The following DDAH1 variants were observed in gnomAD, a reference collection of about 807,000 sequenced individuals.
The protein encoded by DDAH1 is N(G),N(G)-dimethylarginine dimethylaminohydrolase 1.
Under a neutral mutation model 28.8 loss-of-function variants are expected in DDAH1, and 19 were observed. That is an observed-to-expected ratio of 0.66 (90% CI 0.46 to 0.97). The LOEUF (loss-of-function observed/expected upper bound fraction) is 0.97. Ranked by LOEUF, DDAH1 falls within the 50% of genes least tolerant of loss-of-function variation. DDAH1 has a pLI of 0.00. For missense variants in DDAH1, 326 were observed against 375.9 expected (o/e 0.87, Z 1.10); for synonymous variants, 153 against 154.4 (o/e 0.99, Z 0.07).
At chr1:85,396,250 G>A (rs1159697907) in intron 1 of DDAH1, among the ~76,000 whole-genome samples, 2 of 152,108 alleles carry the variant, frequency 1.3e-5, no homozygotes, top group African/African-American at 4.8e-5. Flanking sequence ...ACCTAAGGCT[G>A]GATAATTTAT....
At chr1:85,495,675 G>A (rs888336586) in intron 2 of DDAH1, 1 of 152,202 alleles carries the variant, frequency 6.6e-6, no homozygotes, top group Non-Finnish European at 1.5e-5. Flanking sequence ...ATTAAGGTCT[G>A]TGTGACAATG....
At chr1:85,473,473 GTA>G (rs1655686497) in intron 2 of DDAH1, among the ~76,000 whole-genome samples, 1 of 151,970 alleles carries the variant, frequency 6.6e-6, no homozygotes, top group South Asian at 2.1e-4. Flanking sequence ...TGTTATATAT[GTA>G]TATGTATGTG....
At chr1:85,511,347 A>C (rs1657223457) in intron 1 of DDAH1, among the ~76,000 whole-genome samples, 1 of 152,246 alleles carries the variant, frequency 6.6e-6, no homozygotes, top group African/African-American at 2.4e-5. Context: ...ACACATTTAA[A>C]GCAGTGTGTA....
intron 2 of DDAH1, among the ~76,000 whole-genome samples, chr1:85,353,400 A>C (rs1273208485): frequency 6.6e-6 from 1 of 152,156 alleles, no homozygotes; most frequent in East Asian, 1.9e-4. Context: ...TAAATATTAT[A>C]ACTTTAATCT....
upstream of DDAH1, among the ~76,000 whole-genome samples, chr1:85,466,239 T>A (rs1038237434): frequency 1.3e-5 from 2 of 151,414 alleles, no homozygotes; most frequent in African/African-American, 4.9e-5. Flanking sequence ...ATTTGAGGAG[T>A]TTTTTTTGTT....
At chr1:85,389,068 G>A (rs1332543842) in intron 1 of DDAH1, among the ~76,000 whole-genome samples, 1 of 152,040 alleles carries the variant, frequency 6.6e-6, no homozygotes, top group Non-Finnish European at 1.5e-5. Context: ...TAGGCCAGGT[G>A]TGGTGGCTCA....
At chr1:85,404,622 A>C (rs1652319442) in intron 1 of DDAH1, 4 of 971,178 alleles carry the variant, frequency 4.1e-6, no homozygotes, top group Non-Finnish European at 5.4e-6. Context: ...CGAATCCAAG[A>C]GTTCAATGAT....
chr1:85,467,890 C>A (rs1221945995), upstream of DDAH1, among the ~76,000 whole-genome samples: 3 of 152,116 alleles, frequency 2.0e-5, no homozygotes, highest in Non-Finnish European at 4.4e-5. Context: ...AACAAGACAT[C>A]CAGAATTGGA....
chr1:85,367,338 A>G (rs1040521013), intron 1 of DDAH1, among the ~76,000 whole-genome samples: 8 of 152,220 alleles, frequency 5.3e-5, no homozygotes, highest in Non-Finnish European at 1.2e-4. Context: ...GTCCTGTTCT[A>G]GTTACCTATC....
At chr1:85,344,602 A>G (rs537783731) in intron 4 of DDAH1, among the ~76,000 whole-genome samples, 1 of 133,762 alleles carries the variant, frequency 7.5e-6, no homozygotes, top group African/African-American at 2.9e-5. Flanking sequence ...CCCTCCCTTC[A>G]TCTTTCCTTC....
rs139220741 is a variant in DDAH1 at position 85,376,554 on chromosome 1, G to A, written c.304-17707C>T. Among the ~76,000 whole-genome samples the A allele has an allele frequency of 2.0e-4, 30 of 152,148 alleles. 1 individual carries two copies. The East Asian group carries it at 5.2e-3, about 26-fold the overall frequency. ...CTCCATCCAGGCAGTTTTCCAGTGA[G>A]CAGAGTTGGAGAAGCTTTTCTTTTC... On this transcript the variant is annotated intron_variant, in intron 1 of 5. Transcript: ENST00000284031.
rs201370663 is a variant in DDAH1, at chr1:85,464,756, C to T, written c.290G>A (p.Ser97Asn). Residue 97 changes from serine (S) to asparagine (N), a missense_variant, in exon 1 of 6, where the codon AGC becomes AAC. Transcript: ENST00000284031. This position sits in a 1 kb window ranked among gnomAD's most constrained non-coding sequence, Gnocchi z 4.4. ...TALITRPGAP[S>N]RRKEVDMMKE... is the part of the protein sequence containing the mutation. ...GTCGGCAGTTACCTCCTTCCTCCGG[C>T]TCGGCGCCCCGGGTCGGGTGATGAG... is the stretch of plus-strand genomic sequence containing the variant. The T allele has an allele frequency of 6.5e-7, 1 of 1,550,302 alleles. No homozygotes were observed.
Position 85,546,512 on chromosome 1 carries a change from C to T in DDAH1, c.-123+31472G>A, listed in dbSNP as rs546795667. On this transcript the variant is annotated intron_variant, in intron 1 of 6. Transcript: ENST00000426972. ...GACATTATTGTTGGCTCCTCCATCT[C>T]TAAACTGTCAGATTCAAGGCAGATC... Among the ~76,000 whole-genome samples the T allele has an allele frequency of 7.2e-5, 11 of 152,258 alleles. No homozygotes were observed. In the East Asian group the frequency reaches 1.9e-3, roughly 27 times the overall value.
intron 1 of DDAH1, among the ~76,000 whole-genome samples, chr1:85,392,016 G>T (rs1012665121): frequency 6.6e-6 from 1 of 151,942 alleles, no homozygotes; most frequent in African/African-American, 2.4e-5. Flanking sequence ...TTTTCAATAG[G>T]TTTTGGGGAA....
intron 1 of DDAH1, among the ~76,000 whole-genome samples, chr1:85,517,762 C>A (rs1657521135): frequency 6.6e-6 from 1 of 152,172 alleles, no homozygotes; most frequent in Non-Finnish European, 1.5e-5. Flanking sequence ...GCCCAAGCCC[C>A]CAGGAGAAAC....
At chr1:85,517,001 A>T (rs1346747826) in intron 1 of DDAH1, among the ~76,000 whole-genome samples, 1 of 151,562 alleles carries the variant, frequency 6.6e-6, no homozygotes, top group African/African-American at 2.4e-5. Flanking sequence ...TTATCATTCT[A>T]CTACTATATA....
intron 1 of DDAH1, among the ~76,000 whole-genome samples, chr1:85,359,969 C>A (rs1052501920): frequency 2.0e-5 from 3 of 152,130 alleles, no homozygotes; most frequent in Non-Finnish European, 2.9e-5. Context: ...CAAAGGTCTG[C>A]AAAACCTTTA....
At position 85,577,625 on chromosome 1, in the gene DDAH1, A is replaced by G. The variant is rs938994810; in HGVS notation, c.-123+359T>C. 7.2e-5 allele frequency among the ~76,000 whole-genome samples: 11 copies of G among 152,100 alleles called. No homozygotes were observed. The South Asian group carries it at 8.3e-4, about 11-fold the overall frequency. ...AAACTCTGGGGTGGGAACCCAGAGA[A>G]CCATTCATTAACTAGCCCTCCAGGC... is the stretch of plus-strand genomic sequence containing the variant. On this transcript the variant is annotated intron_variant, in intron 1 of 6. Transcript: ENST00000426972.
intron 1 of DDAH1, among the ~76,000 whole-genome samples, chr1:85,394,854 C>T (rs1249038693): frequency 6.6e-6 from 1 of 152,082 alleles, no homozygotes; most frequent in Non-Finnish European, 1.5e-5. Context: ...AAATGTCAGC[C>T]ATTTCCAAGT....
Sources: gnomAD v4.1 joint callset for allele counts (sites outside exome capture counted in the v4.1 genomes callset) on GRCh38, gnomAD v4.1.1 for gene constraint, Gnocchi (gnomAD v3.1) non-coding constraint, MANE v1.5 for transcripts, NCBI Gene and HGNC (gene_info 2026-07-23, HGNC 2026-07-21) for gene names.